MRTFB: variants seen among roughly 807,000 people sequenced by gnomAD.
The protein encoded by MRTFB is myocardin-related transcription factor B.
Under a neutral mutation model 104.2 loss-of-function variants are expected in MRTFB, and 29 were observed. That is an observed-to-expected ratio of 0.28 (90% CI 0.21 to 0.38). The LOEUF is 0.38. Ranked by LOEUF, MRTFB falls within the 10% of genes least tolerant of loss-of-function variation. The pLI is 1.00. For synonymous variants in MRTFB, 535 were observed against 519.5 expected (o/e 1.03, Z -0.41); for missense variants, 1,270 against 1,341.6 (o/e 0.95, Z 0.83).
intron 2 of MRTFB, among the ~76,000 whole-genome samples, chr16:14,089,159 A>G (rs1173589869): frequency 1.3e-5 from 2 of 152,248 alleles, no homozygotes; most frequent in East Asian, 3.8e-4. Context: ...TTATTGAGAT[A>G]TAATTCATAT....
the MRTFB span, among the ~76,000 whole-genome samples, chr16:14,032,129 G>C: frequency 3.9e-5 from 6 of 152,168 alleles, no homozygotes; most frequent in African/African-American, 1.4e-4. Flanking sequence ...TTTTGAAAAG[G>C]CTACAGACTA....
chr16:14,224,739 T>G (rs2041919639), intron 8 of MRTFB, among the ~76,000 whole-genome samples: 1 of 152,160 alleles, frequency 6.6e-6, no homozygotes, highest in Non-Finnish European at 1.5e-5. Flanking sequence ...CCAGCAAAAT[T>G]GTTTTCAAAA....
the MRTFB span, among the ~76,000 whole-genome samples, chr16:13,998,960 A>T: frequency 7.2e-6 from 1 of 139,696 alleles, no homozygotes; most frequent in Non-Finnish European, 1.5e-5. Flanking sequence ...TGGGAGGCTG[A>T]GGCAGGCAGA....
intron 3 of MRTFB, among the ~76,000 whole-genome samples, chr16:14,154,389 A>T (rs2038745818): frequency 1.3e-5 from 2 of 152,228 alleles, no homozygotes; most frequent in South Asian, 4.1e-4. Flanking sequence ...AGTAGAAATT[A>T]AAAAAGAAAT....
intron 8 of MRTFB, among the ~76,000 whole-genome samples, chr16:14,220,914 T>A (rs2041667791): frequency 6.6e-6 from 1 of 152,246 alleles, no homozygotes; most frequent in South Asian, 2.1e-4. Flanking sequence ...TTCTGTCCTA[T>A]GTGCCTTGAG....
At chr16:14,214,367 A>C (rs1440620911) in intron 6 of MRTFB, among the ~76,000 whole-genome samples, 1 of 152,206 alleles carries the variant, frequency 6.6e-6, no homozygotes, top group Non-Finnish European at 1.5e-5. Flanking sequence ...AAACAATCTG[A>C]AAACTTCTCA....
chr16:14,174,018 A>T lies in MRTFB; in HGVS notation c.154+33258A>T, dbSNP rs1462670871. Among the ~76,000 whole-genome samples, 5 of 152,106 alleles carry T rather than the reference A, an allele frequency of 3.3e-5. No individual in the cohort carries two copies. In the East Asian group the frequency reaches 9.6e-4, roughly 29 times the overall value. On this transcript the variant is annotated intron_variant, in intron 3 of 16. Transcript: ENST00000571589. ...TTTTTATTATATTGGTTTTACATTG[A>T]GATCAGAGTTGTTTGTAATTTTTTT...
In MRTFB at chr16:14,222,190, C is replaced by G. The variant is rs1200748285; in HGVS notation, c.693+3192C>G. 1.3e-5 allele frequency among the ~76,000 whole-genome samples: 2 copies of G among 152,188 alleles called. 1 individual carries two copies. The highest frequency in any genetic ancestry group is 4.1e-4 in the South Asian group (2 of 4,824). ...GTCACAGGCAGGTAACAGAGGTCCACAGACCATACTTTGAGTGAAATCTCT... is the reference window on the plus strand; with the variant it reads ...GTCACAGGCAGGTAACAGAGGTCCAGAGACCATACTTTGAGTGAAATCTCT... On this transcript the variant is annotated intron_variant, in intron 8 of 16. Coordinates refer to ENST00000571589, the MANE Select transcript of MRTFB (RefSeq NM_001308142.2).
rs2043951692 is a variant in MRTFB, at chr16:14,266,468, A to G, written c.*5024A>G. The G allele has an allele frequency of 6.6e-6, 1 of 152,224 alleles. No homozygotes were observed. Among genetic ancestry groups the G allele is most frequent in the African/African-American group, 2.4e-5 (1 of 41,462 alleles). The allele number at this position is 152,224 out of a possible 1,614,324, so 9.4% of individuals were successfully genotyped here. A position where few individuals can be genotyped will look rare whatever the true frequency, so the allele number is the denominator to read the frequency against. On this transcript the variant is annotated 3_prime_UTR_variant, in exon 17 of 17. Coordinates refer to ENST00000571589, the MANE Select transcript of MRTFB (RefSeq NM_001308142.2). ...CCCTGCTTGTTGAAGCACTAGTTTA[A>G]TCAACAAAAAATTATGGCAATCGGG...
At chr16:14,183,678 A>C (rs1188266080) in intron 3 of MRTFB, among the ~76,000 whole-genome samples, 1 of 152,164 alleles carries the variant, frequency 6.6e-6, no homozygotes, top group Non-Finnish European at 1.5e-5. Context: ...GTTAGAACCT[A>C]TTCAGAGATG....
At chr16:14,238,074 G>A (rs1419998380) in intron 9 of MRTFB, among the ~76,000 whole-genome samples, 1 of 152,216 alleles carries the variant, frequency 6.6e-6, no homozygotes, top group Non-Finnish European at 1.5e-5. Flanking sequence ...GCAGGGGTAA[G>A]TTTGCCTCCC....
intron 1 of MRTFB, 35 bp from the exon 2 acceptor site, chr16:14,079,255 T>A (rs2034254921): frequency 2.9e-6 from 1 of 341,984 alleles, no homozygotes; most frequent in African/African-American, 2.1e-5. Context: ...TAGTAGGTGC[T>A]CAATAAAAAG....
Position 14,247,441 on chromosome 16 carries a change from C to G in MRTFB, c.2181C>G (p.Leu727=), listed in dbSNP as rs770802746. 2.5e-6 allele frequency: 4 copies of G among 1,605,100 alleles called. No homozygotes were observed. The African/African-American group carries it at 5.3e-5, about 21-fold the overall frequency. The change falls in exon 12 of 17, where the codon CTC becomes CTG. Residue 727 remains leucine (L), a synonymous_variant. Coordinates refer to ENST00000571589, the MANE Select transcript of MRTFB (RefSeq NM_001308142.2). ...CCACGCAGACTGCTCAGCTGCTGCT[C>G]CCAGTGTCCATCCAGGGCTCGAGTG... ...LLTTQTAQLL[L]PVSIQGSSVT...
chr16:14,060,576 A>G, the MRTFB span, among the ~76,000 whole-genome samples: 82 of 152,134 alleles, frequency 5.4e-4, 1 homozygote, highest in East Asian at 0.011. Flanking sequence ...ATTGTTCATC[A>G]CGAGTGGTCC....
At chr16:14,221,406 G>T (rs547313199) in intron 8 of MRTFB, among the ~76,000 whole-genome samples, 1 of 152,150 alleles carries the variant, frequency 6.6e-6, no homozygotes, top group South Asian at 2.1e-4. Flanking sequence ...AGAGGACAGG[G>T]ATTTATCTTA....
chr16:14,253,292 T>C (rs2043329932), intron 15 of MRTFB, among the ~76,000 whole-genome samples: 1 of 152,150 alleles, frequency 6.6e-6, no homozygotes. Context: ...CCCAGCCTCA[T>C]AGAGGATTCA....
intron 2 of MRTFB, among the ~76,000 whole-genome samples, chr16:14,100,297 G>GT (rs2035629297): frequency 6.6e-6 from 1 of 152,164 alleles, no homozygotes; most frequent in Admixed American, 6.5e-5. Context: ...TTTGCTGAGA[G>GT]TTTTTAATCA....
intron 8 of MRTFB, 103 bp downstream of exon 8, chr16:14,219,101 TTTAAA>T: frequency 8.5e-7 from 1 of 1,178,982 alleles, no homozygotes; most frequent in Non-Finnish European, 1.1e-6. Context: ...CTGAATTGAA[TTTAAA>T]TTGATTTATT....
At chr16:14,080,162 C>T (rs537083909) in intron 2 of MRTFB, among the ~76,000 whole-genome samples, 11 of 152,192 alleles carry the variant, frequency 7.2e-5, no homozygotes, top group African/African-American at 2.6e-4. Context: ...GTTCATTTCT[C>T]TTCTTAGATG....
Sources: gnomAD v4.1 joint callset for allele counts (sites outside exome capture counted in the v4.1 genomes callset) on GRCh38, gnomAD v4.1.1 for gene constraint, MANE v1.5 for transcripts, NCBI Gene and HGNC (gene_info 2026-07-23, HGNC 2026-07-21) for gene names.